The following SGCD variants were observed in gnomAD, a reference collection of about 807,000 sequenced individuals.
SGCD encodes delta-sarcoglycan.
SGCD carries 18 observed loss-of-function variants against 36.6 expected under a neutral mutation model. The observed-to-expected ratio is 0.49, with a 90% confidence interval of 0.34 to 0.73. The LOEUF is 0.73. SGCD is among the 30% of genes least tolerant of loss of function. SGCD has a pLI of 0.01. For missense variants in SGCD, 387 were observed against 346.7 expected, an observed-to-expected ratio of 1.12 and a Z score of -0.92; for synonymous variants, 133 against 130.6, an observed-to-expected ratio of 1.02 and a Z score of -0.12.
At chr5:156,013,024 G>GT (rs776733082) in intron 1 of SGCD, among the ~76,000 whole-genome samples, 8,352 of 137,362 alleles carry the variant, frequency 0.061, 821 homozygotes, top group African/African-American at 0.2. Flanking sequence ...ACATTTAGGT[G>GT]TTTTTTTTTT....
At chr5:156,629,022 T>A (rs1476204484) in intron 6 of SGCD, among the ~76,000 whole-genome samples, 1 of 152,208 alleles carries the variant, frequency 6.6e-6, no homozygotes, top group African/African-American at 2.4e-5. Flanking sequence ...TCTCGATAAG[T>A]GTAACTATGT....
At chr5:156,438,758 A>G (rs964166814) in intron 3 of SGCD, among the ~76,000 whole-genome samples, 12 of 152,130 alleles carry the variant, frequency 7.9e-5, no homozygotes, top group Admixed American at 3.9e-4. Flanking sequence ...TGTACCTTCT[A>G]TGGCACCTAG....
At chr5:155,879,027 C>T (rs1166427466) in intron 1 of SGCD, among the ~76,000 whole-genome samples, 1 of 151,806 alleles carries the variant, frequency 6.6e-6, no homozygotes, top group Non-Finnish European at 1.5e-5. Flanking sequence ...GAGTGAAATT[C>T]AGTCAGTACT....
At chr5:155,804,797 A>G in the SGCD span, among the ~76,000 whole-genome samples, 41 of 152,352 alleles carry the variant, frequency 2.7e-4, no homozygotes, top group Non-Finnish European at 1.9e-4. Context: ...GAGTAAGTGG[A>G]AGTTAGCACA....
chr5:155,736,835 G>T, the SGCD span, among the ~76,000 whole-genome samples: 37 of 152,090 alleles, frequency 2.4e-4, no homozygotes, highest in Non-Finnish European at 4.6e-4. Context: ...GTGGTTATGG[G>T]TAGAGGAATT....
At chr5:156,682,827 C>T (rs1257785097) in intron 7 of SGCD, among the ~76,000 whole-genome samples, 1 of 152,144 alleles carries the variant, frequency 6.6e-6, no homozygotes, top group Non-Finnish European at 1.5e-5. Context: ...ACATTAGTAC[C>T]GTACCGAAGG....
the SGCD span, among the ~76,000 whole-genome samples, chr5:155,830,608 TA>T: frequency 6.6e-6 from 1 of 152,240 alleles, no homozygotes; most frequent in Non-Finnish European, 1.5e-5. Flanking sequence ...CTCATGGATC[TA>T]AAACAAAGAT....
At chr5:155,997,456 G>T (rs1249000599) in intron 1 of SGCD, among the ~76,000 whole-genome samples, 1 of 152,222 alleles carries the variant, frequency 6.6e-6, no homozygotes, top group Non-Finnish European at 1.5e-5. Context: ...TCATAAGCCT[G>T]CCTGGGGACA....
At chr5:156,457,046 G>T (rs1430393810) in intron 3 of SGCD, among the ~76,000 whole-genome samples, 1 of 152,132 alleles carries the variant, frequency 6.6e-6, no homozygotes, top group East Asian at 1.9e-4. Context: ...GCATTCTTCA[G>T]TTATTTACAT....
At chr5:156,234,603 G>A (rs573056592) in intron 3 of SGCD, among the ~76,000 whole-genome samples, 2 of 152,174 alleles carry the variant, frequency 1.3e-5, no homozygotes, top group African/African-American at 4.8e-5. Flanking sequence ...ATGGGAGCAT[G>A]GCACTAGGGT....
Position 156,286,420 on chromosome 5 carries a change from A to G in SGCD, c.-43-43114A>G, listed in dbSNP as rs1581219213. ...TTCACAATAGCAAGGACTTGGAACC[A>G]CCCCAAATGTCCAACAATGATAGAC... On this transcript the variant is annotated intron_variant, in intron 3 of 9. Transcript: ENST00000517913. 2.0e-5 allele frequency among the ~76,000 whole-genome samples: 3 copies of G among 152,320 alleles called. No individual in the cohort carries two copies. The East Asian group carries it at 5.8e-4, about 29-fold the overall frequency.
At chr5:156,117,273 T>C (rs1761927429) in intron 1 of SGCD, among the ~76,000 whole-genome samples, 1 of 151,972 alleles carries the variant, frequency 6.6e-6, no homozygotes, top group African/African-American at 2.4e-5. Flanking sequence ...CTAAAACCCT[T>C]GTAAAATACA....
chr5:155,890,614 T>C (rs1756102667), intron 1 of SGCD, among the ~76,000 whole-genome samples: 1 of 135,216 alleles, frequency 7.4e-6, no homozygotes, highest in South Asian at 2.4e-4. Context: ...TCTAAATAGA[T>C]AGGTAGGTAA....
In SGCD at chr5:156,437,228, A is replaced by G. The variant is rs572705334; in HGVS notation, c.193-71373A>G. On this transcript the variant is annotated intron_variant, in intron 3 of 8. Transcript: ENST00000337851. Reference sequence around the variant, plus strand: ...CCTTGTACCATGTAAGTCATCTTACATGTAATCAATGGTACATATGTTGTG... The same window carrying G: ...CCTTGTACCATGTAAGTCATCTTACGTGTAATCAATGGTACATATGTTGTG... Among the ~76,000 whole-genome samples, 11 of 152,310 alleles carry G rather than the reference A, an allele frequency of 7.2e-5. No homozygotes were observed. The South Asian group carries it at 1.9e-3, about 26-fold the overall frequency.
At chr5:156,103,676 C>A (rs1470808627) in intron 1 of SGCD, among the ~76,000 whole-genome samples, 1 of 152,044 alleles carries the variant, frequency 6.6e-6, no homozygotes, top group Non-Finnish European at 1.5e-5. Flanking sequence ...CATAATGAAT[C>A]ATATATGAAG....
chr5:156,102,277 A>T (rs1203491500), intron 1 of SGCD, among the ~76,000 whole-genome samples: 2 of 152,140 alleles, frequency 1.3e-5, no homozygotes, highest in Admixed American at 6.6e-5. Context: ...CATTTAAAAC[A>T]TCATCTGTTT....
intron 6 of SGCD, among the ~76,000 whole-genome samples, chr5:156,645,445 C>T (rs1561834945): frequency 6.6e-6 from 1 of 152,050 alleles, no homozygotes; most frequent in Admixed American, 6.6e-5. Context: ...GTATTAATAT[C>T]TCATCTCATT....
chr5:156,114,399 C>T (rs1192552289), intron 1 of SGCD, among the ~76,000 whole-genome samples: 2 of 152,078 alleles, frequency 1.3e-5, no homozygotes, highest in Admixed American at 6.6e-5. Flanking sequence ...TTTATATATC[C>T]ACGTATTTGT....
intron 3 of SGCD, among the ~76,000 whole-genome samples, chr5:156,251,772 C>T (rs1178281242): frequency 1.3e-5 from 2 of 152,128 alleles, no homozygotes; most frequent in Non-Finnish European, 2.9e-5. Flanking sequence ...CCTCGCCCTC[C>T]CAACGTGCTG....
Sources: gnomAD v4.1 joint callset for allele counts (sites outside exome capture counted in the v4.1 genomes callset) on GRCh38, gnomAD v4.1.1 for gene constraint, MANE v1.5 for transcripts, NCBI Gene and HGNC (gene_info 2026-07-23, HGNC 2026-07-21) for gene names.